Variants in EREG observed in about 807,000 individuals in gnomAD.
The protein encoded by EREG is epiregulin.
A neutral mutation model predicts 22.4 loss-of-function variants in EREG; 23 were observed. That is an observed-to-expected ratio of 1.03 (90% CI 0.74 to 1.46). EREG has a LOEUF of 1.46. EREG is among the 40% of genes most tolerant of loss of function. EREG has a pLI of 0.00. For missense variants in EREG, 226 were observed against 205.9 expected (o/e 1.10, Z -0.60); for synonymous variants, 100 against 75.4 (o/e 1.33, Z -1.69).
chr4:74,382,810 T>C lies in EREG; in HGVS notation c.428+16T>C, dbSNP rs377468176. ...TCTGCAGATGGTAAGTCAGTGTGGTTTTATACTCTGCTTTTACAAATTACT... is the reference window on the plus strand; with the variant it reads ...TCTGCAGATGGTAAGTCAGTGTGGTCTTATACTCTGCTTTTACAAATTACT... On this transcript the variant is annotated intron_variant, in intron 4 of 4. Transcript: ENST00000244869. 1.1e-5 allele frequency: 18 copies of C among 1,597,574 alleles called. No homozygotes were observed. The African/African-American group carries it at 2.4e-4, about 22-fold the overall frequency.
rs1293682461 is a variant in EREG, at chr4:74,382,953, A to C, written c.428+159A>C. Among the ~76,000 whole-genome samples the C allele has an allele frequency of 5.3e-5, 8 of 152,354 alleles. No homozygotes were observed. In the South Asian group the frequency reaches 1.7e-3, roughly 32 times the overall value. ...TGAGAAACTATTAAGTATTATGCCC[A>C]ACACCTGAGTGATGGGATCAGCTGT... On this transcript the variant is annotated intron_variant, in intron 4 of 4. Transcript: ENST00000244869.
rs1752407335 is a variant in EREG at position 74,377,848 on chromosome 4, C to A, written c.68-1600C>A. The stretch of plus-strand genomic sequence containing the variant: ...AGAACAGCATGCAGGAAACTACCCG[C>A]ATTGATTCAATCACCTCCCTCCTTG... On this transcript the variant is annotated intron_variant, in intron 1 of 4. Transcript: ENST00000244869. 2.6e-5 allele frequency among the ~76,000 whole-genome samples: 4 copies of A among 152,126 alleles called. No individual in the cohort carries two copies. In the South Asian group the frequency reaches 8.3e-4, roughly 32 times the overall value.
At chr4:74,368,875 A>G (rs1021589302) in intron 1 of EREG, among the ~76,000 whole-genome samples, 1 of 152,184 alleles carries the variant, frequency 6.6e-6, no homozygotes, top group African/African-American at 2.4e-5. Flanking sequence ...GAGTAGTCTG[A>G]CAGCCATTGC....
chr4:74,367,026 A>C (rs1468953708), intron 1 of EREG, among the ~76,000 whole-genome samples: 1 of 152,162 alleles, frequency 6.6e-6, no homozygotes, highest in African/African-American at 2.4e-5. Context: ...TCTTTCCCCC[A>C]AACAAAATAT....
intron 4 of EREG, among the ~76,000 whole-genome samples, chr4:74,384,143 G>A (rs1251907970): frequency 1.3e-5 from 2 of 152,074 alleles, no homozygotes; most frequent in African/African-American, 4.8e-5. Flanking sequence ...TGAGACCTTG[G>A]ACCTTGGGCA....
intron 2 of EREG, among the ~76,000 whole-genome samples, chr4:74,380,309 T>TA (rs1425864745): frequency 5.3e-5 from 8 of 152,276 alleles, no homozygotes; most frequent in Non-Finnish European, 8.8e-5. Context: ...GCAAGAGTAT[T>TA]ACAATCAAAT....
intron 1 of EREG, among the ~76,000 whole-genome samples, chr4:74,368,756 G>T (rs779167850): frequency 2.6e-5 from 4 of 152,116 alleles, no homozygotes; most frequent in Non-Finnish European, 5.9e-5. Context: ...TTGAGTGTAG[G>T]CCTGTACAAA....
intron 1 of EREG, among the ~76,000 whole-genome samples, chr4:74,375,247 T>C (rs1344997871): frequency 6.6e-6 from 1 of 151,354 alleles, no homozygotes. Context: ...AGGAAATATA[T>C]GCATGCTTTA....
chr4:74,388,281 T>TA lies in EREG; in HGVS notation c.*3479dup, dbSNP rs915526726. ...TTGATGCCCAATATATTCTGACCGT[T>TA]AAAAAATTCTTGTTCATATGGGAGA... On this transcript the variant is annotated 3_prime_UTR_variant, in exon 5 of 5. Transcript: ENST00000244869. 24 of 152,214 alleles carry TA rather than the reference T, an allele frequency of 1.6e-4. No homozygotes were observed. The highest frequency in any genetic ancestry group is 8.3e-4 in the South Asian group (4 of 4,834). 9.4% of individuals were successfully genotyped at this position (152,214 alleles called of 1,614,324 possible). A position where few individuals can be genotyped will look rare whatever the true frequency, so the allele number is the denominator to read the frequency against.
chr4:74,370,855 TCA>T (rs1752278002), intron 1 of EREG, among the ~76,000 whole-genome samples: 2 of 152,176 alleles, frequency 1.3e-5, no homozygotes, highest in Admixed American at 1.3e-4. Flanking sequence ...ATAAGGCAGC[TCA>T]GTTGCAGGGA....
At chr4:74,370,829 T>C (rs1752277385) in intron 1 of EREG, among the ~76,000 whole-genome samples, 1 of 152,232 alleles carries the variant, frequency 6.6e-6, no homozygotes, top group Non-Finnish European at 1.5e-5. Context: ...TCATTCCTTG[T>C]TCTCTGTTTT....
Position 74,384,780 on chromosome 4 carries a change from C to G in EREG, c.482C>G (p.Ser161Ter). The G allele has an allele frequency of 1.2e-6, 2 of 1,613,104 alleles. No individual in the cohort carries two copies. The highest frequency in any genetic ancestry group is 1.7e-6 in the Non-Finnish European group (2 of 1,179,224). The change falls in exon 5 of 5, where the codon TCA becomes TGA. Residue 161 changes from serine (S) to a stop codon, truncating the protein, a stop_gained. Transcript: ENST00000244869. LOFTEE classifies it high-confidence loss of function. ...EPKKEYERVT[S>*]GDPELPQV Reference sequence around the variant, plus strand: ...AAGAAGGAATATGAGAGAGTTACCTCAGGGGATCCAGAGTTGCCGCAAGTC... The same window carrying G: ...AAGAAGGAATATGAGAGAGTTACCTGAGGGGATCCAGAGTTGCCGCAAGTC...
At position 74,386,467 on chromosome 4, in the gene EREG, C is replaced by T. The variant is rs1752570595; in HGVS notation, c.*1659C>T. The T allele has an allele frequency of 1.3e-5, 2 of 152,174 alleles. No individual in the cohort carries two copies. Among genetic ancestry groups the T allele is most frequent in the Admixed American group, 1.3e-4 (2 of 15,280 alleles). The allele number at this position is 152,174 out of a possible 1,614,324, so 9.4% of individuals were successfully genotyped here. A position where few individuals can be genotyped will look rare whatever the true frequency, so the allele number is the denominator to read the frequency against. On this transcript the variant is annotated 3_prime_UTR_variant, in exon 5 of 5. Coordinates refer to ENST00000244869, the MANE Select transcript of EREG (RefSeq NM_001432.3). ...ACAAGTAAATATATATGGTCATATA[C>T]ATATTGTATATATATTCATATACAA...
Position 74,385,150 on chromosome 4 carries a change from A to G in EREG, c.*342A>G. 1 of 189,986 alleles carries G rather than the reference A, an allele frequency of 5.3e-6. No homozygotes were observed. The allele number at this position is 189,986 out of a possible 1,614,324, so 11.8% of individuals were successfully genotyped here. ...AGCTCAAGAATTGTTAGCAAATGACAGATTTCTGTAAGCCTATATATATAG... is the reference window on the plus strand; with the variant it reads ...AGCTCAAGAATTGTTAGCAAATGACGGATTTCTGTAAGCCTATATATATAG... On this transcript the variant is annotated 3_prime_UTR_variant, in exon 5 of 5. Coordinates refer to ENST00000244869, the MANE Select transcript of EREG (RefSeq NM_001432.3).
At chr4:74,375,559 G>A (rs527474430) in intron 1 of EREG, among the ~76,000 whole-genome samples, 52 of 150,208 alleles carry the variant, frequency 3.5e-4, no homozygotes, top group African/African-American at 1.3e-3. Context: ...TCGATATCCT[G>A]ACCTCGTGAT....
At chr4:74,382,244 G>A (rs1395186755) in intron 3 of EREG, among the ~76,000 whole-genome samples, 1 of 152,082 alleles carries the variant, frequency 6.6e-6, no homozygotes, top group Non-Finnish European at 1.5e-5. Flanking sequence ...AGGTTGCAGT[G>A]AGCCGAGAGA....
intron 1 of EREG, among the ~76,000 whole-genome samples, chr4:74,371,683 A>T (rs954674747): frequency 6.6e-6 from 1 of 152,156 alleles, no homozygotes; most frequent in Non-Finnish European, 1.5e-5. Flanking sequence ...ATCTCCAAAT[A>T]AATTCTTATT....
At chr4:74,369,502 C>T (rs540448009) in intron 1 of EREG, among the ~76,000 whole-genome samples, 22 of 152,148 alleles carry the variant, frequency 1.4e-4, no homozygotes, top group Middle Eastern at 3.4e-3. Context: ...CAATTTGCTG[C>T]GAAAGACATT....
Position 74,365,244 on chromosome 4 carries a change from C to A in EREG, c.-65C>A, listed in dbSNP as rs1274152820. Reference sequence around the variant, plus strand: ...GCCACTGCCGCGAGCCCGTCTGCTCCCGCCCTGCCCGTGCACTCTCCGCAG... The same window carrying A: ...GCCACTGCCGCGAGCCCGTCTGCTCACGCCCTGCCCGTGCACTCTCCGCAG... On this transcript the variant is annotated 5_prime_UTR_variant, in exon 1 of 5. Transcript: ENST00000244869. The A allele has an allele frequency of 1.5e-6, 2 of 1,361,820 alleles. No homozygotes were observed. The highest frequency in any genetic ancestry group is 1.2e-5 in the South Asian group (1 of 83,722). 84.4% of individuals were successfully genotyped at this position (1,361,820 alleles called of 1,614,324 possible). A position where few individuals can be genotyped will look rare whatever the true frequency, so the allele number is the denominator to read the frequency against.
Sources: allele counts gnomAD v4.1 joint callset (sites outside exome capture counted in the v4.1 genomes callset), GRCh38; gene constraint gnomAD v4.1.1; transcripts MANE v1.5; gene names NCBI Gene and HGNC (gene_info 2026-07-23, HGNC 2026-07-21).